Variants in MCUB observed in about 807,000 individuals in gnomAD.
The protein encoded by MCUB is calcium uniporter regulatory subunit MCUb, mitochondrial.
Under a neutral mutation model 41.4 loss-of-function variants are expected in MCUB, and 46 were observed. The observed-to-expected ratio is 1.11, with a 90% confidence interval of 0.88 to 1.42. The LOEUF (loss-of-function observed/expected upper bound fraction) is 1.42, where lower values mean the gene tolerates loss of function less well. Among genes scored for constraint, MCUB ranks in the 40% most tolerant of loss-of-function variants. The probability of loss-of-function intolerance (pLI) is 0.00; values close to 1 mark genes in which losing one functional copy is unlikely to be tolerated. For missense variants in MCUB, 403 were observed against 404.9 expected (o/e 1.00, Z 0.04); for synonymous variants, 148 against 148.2 (o/e 1.00, Z 0.01).
chr4:109,568,078 G>A (rs13130130), intron 1 of MCUB, among the ~76,000 whole-genome samples: 38,735 of 151,924 alleles, frequency 0.25, 7,128 homozygotes, highest in African/African-American at 0.53. Context: ...ACCTGGGGGG[G>A]AAAAATTATT....
chr4:109,658,229 G>T (rs13435023), intron 1 of MCUB, among the ~76,000 whole-genome samples: 5,341 of 152,192 alleles, frequency 0.035, 311 homozygotes, highest in African/African-American at 0.12. Context: ...TAATGTGCAT[G>T]TGAATCTTCT....
In MCUB at chr4:109,688,528, A is replaced by G. The variant is rs1315417441; in HGVS notation, c.*936A>G. On this transcript the variant is annotated 3_prime_UTR_variant, in exon 8 of 8. Transcript: ENST00000394650. ...AGTCATACACAAAATGTGGTAATTCATATGTAGATGAAATATTAAACATTT... is the reference window on the plus strand; with the variant it reads ...AGTCATACACAAAATGTGGTAATTCGTATGTAGATGAAATATTAAACATTT... 1 of 152,256 alleles carries G rather than the reference A, an allele frequency of 6.6e-6. No homozygotes were observed. Among genetic ancestry groups the G allele is most frequent in the Admixed American group, 6.5e-5 (1 of 15,286 alleles). 9.4% of individuals were successfully genotyped at this position (152,256 alleles called of 1,614,324 possible). A position where few individuals can be genotyped will look rare whatever the true frequency, so the allele number is the denominator to read the frequency against.
intron 4 of MCUB, among the ~76,000 whole-genome samples, chr4:109,670,496 A>G (rs553066623): frequency 6.6e-6 from 1 of 152,198 alleles, no homozygotes; most frequent in East Asian, 1.9e-4. Flanking sequence ...GGGAGTGGGG[A>G]TCACTGGGTC....
chr4:109,667,640 A>T, intron 4 of MCUB, among the ~76,000 whole-genome samples: 1 of 149,776 alleles, frequency 6.7e-6, no homozygotes, highest in East Asian at 2.0e-4. Flanking sequence ...AGAGTATATT[A>T]TATACTCTAC....
intron 1 of MCUB, among the ~76,000 whole-genome samples, chr4:109,655,059 A>G (rs1349678467): frequency 6.6e-6 from 1 of 151,982 alleles, no homozygotes; most frequent in African/African-American, 2.4e-5. Context: ...GGTTCCCATG[A>G]CCCCCTCCTC....
chr4:109,561,771 C>T (rs758294179), intron 1 of MCUB, among the ~76,000 whole-genome samples: 4 of 152,124 alleles, frequency 2.6e-5, no homozygotes, highest in Non-Finnish European at 5.9e-5. Flanking sequence ...TTTTTGGAGA[C>T]GGAGTCTTGC....
intron 1 of MCUB, among the ~76,000 whole-genome samples, chr4:109,572,142 A>G (rs183547760): frequency 1.7e-4 from 26 of 152,394 alleles, no homozygotes; most frequent in Admixed American, 3.9e-4. Flanking sequence ...AATTTGAGCT[A>G]GAACAGGAAC....
intron 3 of MCUB, among the ~76,000 whole-genome samples, chr4:109,662,939 C>G (rs1729259063): frequency 6.6e-6 from 1 of 151,998 alleles, no homozygotes; most frequent in Non-Finnish European, 1.5e-5. Context: ...AATTATTTGG[C>G]AATTTTTTGG....
intron 1 of MCUB, among the ~76,000 whole-genome samples, chr4:109,609,788 TTC>T (rs1453928039): frequency 3.9e-5 from 6 of 152,252 alleles, no homozygotes; most frequent in South Asian, 4.1e-4. Flanking sequence ...ACTGCCTATG[TTC>T]ACTCAAGACC....
intron 5 of MCUB, chr4:109,682,952 C>A: frequency 2.2e-6 from 1 of 459,804 alleles, no homozygotes; most frequent in East Asian, 3.9e-5. Context: ...CATGGTAGAG[C>A]CTGGACTTGA....
intron 4 of MCUB, among the ~76,000 whole-genome samples, 186 bp downstream of exon 4, chr4:109,664,580 A>G (rs1470555419): frequency 1.3e-5 from 2 of 151,990 alleles, no homozygotes; most frequent in Admixed American, 1.3e-4. Context: ...ATGCACCACC[A>G]TGCCTGGCTA....
chr4:109,596,782 G>C (rs1469017270), intron 1 of MCUB, among the ~76,000 whole-genome samples: 1 of 150,582 alleles, frequency 6.6e-6, no homozygotes, highest in African/African-American at 2.4e-5. Flanking sequence ...TCTCACAGAG[G>C]GGGATTTGGC....
At chr4:109,650,991 A>G (rs961782248) in intron 1 of MCUB, among the ~76,000 whole-genome samples, 2 of 152,178 alleles carry the variant, frequency 1.3e-5, no homozygotes, top group Non-Finnish European at 2.9e-5. Context: ...GCATGATTTC[A>G]ACTCACCCCA....
intron 1 of MCUB, among the ~76,000 whole-genome samples, chr4:109,561,347 C>T (rs1262520920): frequency 6.6e-6 from 1 of 152,236 alleles, no homozygotes; most frequent in Non-Finnish European, 1.5e-5. Flanking sequence ...TTGTCACTTT[C>T]ACTTCCTGTT....
At chr4:109,623,384 G>A (rs1030193063) in intron 1 of MCUB, among the ~76,000 whole-genome samples, 1 of 152,168 alleles carries the variant, frequency 6.6e-6, no homozygotes, top group Non-Finnish European at 1.5e-5. Context: ...TTATACACAA[G>A]TGTTTATGGC....
At chr4:109,597,430 CCCGGACGGGGCGG>C (rs1727589530) in intron 1 of MCUB, among the ~76,000 whole-genome samples, 2 of 141,542 alleles carry the variant, frequency 1.4e-5, no homozygotes, top group African/African-American at 5.3e-5. Context: ...CCACCTCCCT[CCCGGACGGGGCGG>C]CTGGCCGGGC....
chr4:109,658,487 G>C (rs1338444657), intron 1 of MCUB, among the ~76,000 whole-genome samples: 1 of 152,084 alleles, frequency 6.6e-6, no homozygotes, highest in Non-Finnish European at 1.5e-5. Context: ...AGTGGAGACA[G>C]GGTTTCTCCA....
At chr4:109,664,227 T>C in intron 3 of MCUB, 63 bp from the exon 4 acceptor site, 1 of 823,004 alleles carries the variant, frequency 1.2e-6, no homozygotes, top group Non-Finnish European at 2.1e-6. Flanking sequence ...TTTCTATGTG[T>C]TGGAAAATGG....
chr4:109,602,322 T>A (rs1054496953), intron 1 of MCUB, among the ~76,000 whole-genome samples: 54 of 152,238 alleles, frequency 3.5e-4, no homozygotes, highest in African/African-American at 1.1e-3. Flanking sequence ...CAATGTTTTC[T>A]TGTAGTAGTT....
Sources: gnomAD v4.1 joint callset for allele counts (sites outside exome capture counted in the v4.1 genomes callset) on GRCh38, gnomAD v4.1.1 for gene constraint, MANE v1.5 for transcripts, NCBI Gene and HGNC (gene_info 2026-07-23, HGNC 2026-07-21) for gene names.